The following TMEM178B variants were observed in gnomAD, a reference collection of about 807,000 sequenced individuals.
TMEM178B encodes the protein transmembrane protein 178B.
A neutral mutation model predicts 31.0 loss-of-function variants in TMEM178B; 5 were observed. That is an observed-to-expected ratio of 0.16 (90% CI 0.08 to 0.34). The LOEUF (loss-of-function observed/expected upper bound fraction) is 0.34, where lower values mean the gene tolerates loss of function less well. TMEM178B is among the 10% of genes least tolerant of loss of function. The pLI is 1.00. For missense variants in TMEM178B, 275 were observed against 400.3 expected, an observed-to-expected ratio of 0.69 and a Z score of 2.67; for synonymous variants, 164 against 164.0, an observed-to-expected ratio of 1.00 and a Z score of 0.00.
intron 2 of TMEM178B, among the ~76,000 whole-genome samples, chr7:141,393,630 A>G (rs565471345): frequency 1.8e-4 from 27 of 152,202 alleles, no homozygotes; most frequent in Non-Finnish European, 3.5e-4. Flanking sequence ...CCAAAGAGAA[A>G]GAGAAAGGTC....
downstream of TMEM178B, among the ~76,000 whole-genome samples, chr7:141,482,995 C>T (rs1802502622): frequency 6.6e-6 from 1 of 152,042 alleles, no homozygotes; most frequent in South Asian, 2.1e-4. Flanking sequence ...AGTCTCCAGC[C>T]CTGTCAGAGG....
chr7:141,152,079 G>A (rs114047031), intron 1 of TMEM178B, among the ~76,000 whole-genome samples: 351 of 152,242 alleles, frequency 2.3e-3, no homozygotes, highest in African/African-American at 7.9e-3. Flanking sequence ...TGAGAGGCAT[G>A]GCACTGTGCA....
intron 2 of TMEM178B, among the ~76,000 whole-genome samples, chr7:141,309,534 A>G (rs973098758): frequency 1.3e-5 from 2 of 152,150 alleles, no homozygotes; most frequent in African/African-American, 4.8e-5. Flanking sequence ...TATACCTACT[A>G]TGTAGACATC....
intron 1 of TMEM178B, among the ~76,000 whole-genome samples, chr7:141,209,129 C>G (rs1797011341): frequency 6.6e-6 from 1 of 152,220 alleles, no homozygotes; most frequent in African/African-American, 2.4e-5. Context: ...AGGACACAAC[C>G]TGCCCAACTG....
rs377379544 is a variant in TMEM178B, at chr7:141,167,528, G to A, written c.383-45063G>A. 3.3e-5 allele frequency among the ~76,000 whole-genome samples: 5 copies of A among 152,278 alleles called. No individual in the cohort carries two copies. The East Asian group carries it at 7.8e-4, about 24-fold the overall frequency. On this transcript the variant is annotated intron_variant, in intron 1 of 3. Transcript: ENST00000565468. Reference sequence around the variant, plus strand: ...GAAGTGGATTTGTGCCTTTAATCACGTCACCGTGTACAAAGGGCCTGGATC... The same window carrying A: ...GAAGTGGATTTGTGCCTTTAATCACATCACCGTGTACAAAGGGCCTGGATC...
chr7:141,394,527 T>A (rs1800602325), intron 2 of TMEM178B, among the ~76,000 whole-genome samples: 1 of 152,220 alleles, frequency 6.6e-6, no homozygotes. Flanking sequence ...ATATCTAACT[T>A]ATTTTGGGGA....
chr7:141,367,889 G>A (rs1586916003), intron 2 of TMEM178B, among the ~76,000 whole-genome samples: 1 of 152,266 alleles, frequency 6.6e-6, no homozygotes, highest in East Asian at 1.9e-4. Context: ...GACCTTTAGA[G>A]CAGGTCGACC....
chr7:141,093,801 T>C (rs1357192589), intron 1 of TMEM178B, among the ~76,000 whole-genome samples: 2 of 152,180 alleles, frequency 1.3e-5, no homozygotes, highest in Non-Finnish European at 2.9e-5. Flanking sequence ...TGAAGTGCTG[T>C]CAATGGGTCA....
intron 2 of TMEM178B, among the ~76,000 whole-genome samples, chr7:141,252,790 A>G (rs575174134): frequency 6.6e-6 from 1 of 152,302 alleles, no homozygotes; most frequent in Admixed American, 6.5e-5. Context: ...TTGTTGTCCA[A>G]AGTCTGAAAG....
At chr7:141,343,800 C>T (rs939325734) in intron 2 of TMEM178B, among the ~76,000 whole-genome samples, 6 of 152,128 alleles carry the variant, frequency 3.9e-5, no homozygotes, top group African/African-American at 1.2e-4. Context: ...CCACCCACCT[C>T]GGCCTCCCAA....
At chr7:141,296,127 G>A (rs889201727) in intron 2 of TMEM178B, among the ~76,000 whole-genome samples, 3 of 151,754 alleles carry the variant, frequency 2.0e-5, no homozygotes, top group Non-Finnish European at 2.9e-5. Flanking sequence ...GAGTGCAATA[G>A]TGCAATCTCA....
chr7:141,363,946 T>TA (rs1326362465), intron 2 of TMEM178B, among the ~76,000 whole-genome samples: 6 of 146,306 alleles, frequency 4.1e-5, no homozygotes, highest in African/African-American at 1.5e-4. Flanking sequence ...AAAATGAAAA[T>TA]AAAAAATAAA....
At chr7:141,255,966 T>TCATCCATC (rs200644068) in intron 2 of TMEM178B, among the ~76,000 whole-genome samples, 4 of 151,982 alleles carry the variant, frequency 2.6e-5, no homozygotes, top group African/African-American at 9.7e-5. Context: ...GAGAAACCTG[T>TCATCCATC]CATCCATCCA....
At position 141,344,501 on chromosome 7, in the gene TMEM178B, T is replaced by A. The variant is rs182582429; in HGVS notation, c.497-93107T>A. The stretch of plus-strand genomic sequence containing the variant: ...GGCACTCTTTTTACTTTGAAATTTT[T>A]AAAAATGTAATTTTAAGACTTTTTA... On this transcript the variant is annotated intron_variant, in intron 2 of 3. Coordinates refer to ENST00000565468, the MANE Select transcript of TMEM178B (RefSeq NM_001195278.2). This position sits in a 1 kb window ranked among gnomAD's most constrained non-coding sequence, Gnocchi z 4.1. Among the ~76,000 whole-genome samples, 86 of 152,344 alleles carry A rather than the reference T, an allele frequency of 5.6e-4. No individual in the cohort carries two copies. The highest frequency in any genetic ancestry group is 3.4e-3 in the Middle Eastern group (1 of 294).
intron 2 of TMEM178B, among the ~76,000 whole-genome samples, chr7:141,387,331 G>A (rs1439709452): frequency 1.3e-5 from 2 of 152,056 alleles, no homozygotes; most frequent in Admixed American, 6.5e-5. Flanking sequence ...CATAATACAG[G>A]TGCATTTTTA....
At chr7:141,224,678 G>A (rs1797311815) in intron 2 of TMEM178B, among the ~76,000 whole-genome samples, 1 of 152,206 alleles carries the variant, frequency 6.6e-6, no homozygotes, top group Non-Finnish European at 1.5e-5. Flanking sequence ...CGCAGGCTGA[G>A]TTCCCTGGGA....
intron 2 of TMEM178B, among the ~76,000 whole-genome samples, chr7:141,348,875 C>T (rs1381380409): frequency 6.6e-6 from 1 of 152,144 alleles, no homozygotes; most frequent in African/African-American, 2.4e-5. Flanking sequence ...TGGAAGCTGT[C>T]AGCATCCTGT....
chr7:141,483,814 C>T (rs2116750169), downstream of TMEM178B, among the ~76,000 whole-genome samples: 1 of 151,796 alleles, frequency 6.6e-6, no homozygotes, highest in Non-Finnish European at 1.5e-5. Context: ...CAGCTCACTG[C>T]AAGCTCCGCC....
At chr7:141,377,039 A>G (rs1800226890) in intron 2 of TMEM178B, among the ~76,000 whole-genome samples, 1 of 152,158 alleles carries the variant, frequency 6.6e-6, no homozygotes, top group Admixed American at 6.5e-5. Flanking sequence ...CAAAAAGAAA[A>G]TATGCCCTAA....
Sources: allele counts gnomAD v4.1 joint callset (sites outside exome capture counted in the v4.1 genomes callset), GRCh38; gene constraint gnomAD v4.1.1; non-coding constraint Gnocchi (gnomAD v3.1); transcripts MANE v1.5; gene names NCBI Gene and HGNC (gene_info 2026-07-23, HGNC 2026-07-21).